Variants in TMEFF2 observed in about 807,000 individuals in gnomAD.
TMEFF2 encodes the protein tomoregulin-2.
TMEFF2 carries 28 observed loss-of-function variants against 53.8 expected under a neutral mutation model. The ratio of observed to expected loss-of-function variants is 0.52; its 90% CI spans 0.39 to 0.71. The LOEUF (loss-of-function observed/expected upper bound fraction) is 0.71. Among genes scored for constraint, TMEFF2 ranks in the 30% least tolerant of loss-of-function variants. The pLI, the probability that TMEFF2 is intolerant of heterozygous loss-of-function variation, is 0.00. For synonymous variants in TMEFF2, 162 were observed against 166.3 expected, an observed-to-expected ratio of 0.97 and a Z score of 0.20; for missense variants, 353 against 455.2, an observed-to-expected ratio of 0.78 and a Z score of 2.04.
intron 4 of TMEFF2, among the ~76,000 whole-genome samples, chr2:192,145,274 T>G (rs1385904598): frequency 2.0e-5 from 3 of 151,986 alleles, no homozygotes; most frequent in Non-Finnish European, 4.4e-5. Flanking sequence ...AAAATTCTGA[T>G]TATGTATTCT....
At chr2:192,001,729 G>A (rs1686365909) in intron 5 of TMEFF2, among the ~76,000 whole-genome samples, 1 of 148,582 alleles carries the variant, frequency 6.7e-6, no homozygotes. Context: ...CCCTGCACAA[G>A]CTCTCTTCTC....
At position 192,074,983 on chromosome 2, in the gene TMEFF2, A is replaced by C. The variant is rs973940259; in HGVS notation, c.440-17208T>G. Among the ~76,000 whole-genome samples, 7 of 151,120 alleles carry C rather than the reference A, an allele frequency of 4.6e-5. No homozygotes were observed. In the South Asian group the frequency reaches 1.5e-3, roughly 31 times the overall value. On this transcript the variant is annotated intron_variant, in intron 4 of 9. Transcript: ENST00000272771. ...ATATATTTCTCTTGATAAATAAACAAACACAACAGAAAACTTTAATTAATA... is the reference window on the plus strand; with the variant it reads ...ATATATTTCTCTTGATAAATAAACACACACAACAGAAAACTTTAATTAATA...
chr2:192,010,522 CT>C (rs76444188), intron 5 of TMEFF2, among the ~76,000 whole-genome samples: 7 of 151,712 alleles, frequency 4.6e-5, no homozygotes, highest in Admixed American at 1.3e-4. Flanking sequence ...ATTACTGCCA[CT>C]TTTTTTTCCC....
chr2:191,960,683 T>C lies in TMEFF2; in HGVS notation c.746-4305A>G, dbSNP rs74372533. Among the ~76,000 whole-genome samples, 870 of 152,142 alleles carry C rather than the reference T, an allele frequency of 5.7e-3. 15 individuals are homozygous for C. The highest frequency in any genetic ancestry group is 0.02 in the African/African-American group (818 of 41,486). ...TAGGCCATTGATTCATACAGAAGAG[T>C]CTGATTCTGTGTAAGCGTTTCTGAG... On this transcript the variant is annotated intron_variant, in intron 7 of 9. Transcript: ENST00000272771.
At chr2:192,174,018 T>C (rs916057642) in intron 4 of TMEFF2, among the ~76,000 whole-genome samples, 3 of 151,916 alleles carry the variant, frequency 2.0e-5, no homozygotes, top group African/African-American at 7.2e-5. Flanking sequence ...TAGATACATA[T>C]TACTGTTTCA....
chr2:192,138,503 G>T (rs1038653129), intron 4 of TMEFF2, among the ~76,000 whole-genome samples: 2 of 152,198 alleles, frequency 1.3e-5, no homozygotes, highest in Non-Finnish European at 2.9e-5. Flanking sequence ...CCGGTCTGAG[G>T]CCCTGAATTC....
intron 4 of TMEFF2, among the ~76,000 whole-genome samples, chr2:192,108,363 C>A (rs769083847): frequency 6.6e-5 from 10 of 151,758 alleles, no homozygotes; most frequent in Admixed American, 3.9e-4. Context: ...AAAGACAGGG[C>A]ATTATTTAAA....
At chr2:192,011,485 A>T (rs1488471789) in intron 5 of TMEFF2, among the ~76,000 whole-genome samples, 1 of 152,250 alleles carries the variant, frequency 6.6e-6, no homozygotes, top group African/African-American at 2.4e-5. Context: ...TATTATTCTT[A>T]AGCCTGAGTG....
chr2:192,188,271 C>T (rs542764994), intron 2 of TMEFF2, among the ~76,000 whole-genome samples: 21 of 152,294 alleles, frequency 1.4e-4, no homozygotes, highest in African/African-American at 3.8e-4. Context: ...AGGTCATTAA[C>T]GGATATAGCT....
At chr2:192,020,509 G>C (rs1686836120) in intron 5 of TMEFF2, among the ~76,000 whole-genome samples, 1 of 151,970 alleles carries the variant, frequency 6.6e-6, no homozygotes, top group African/African-American at 2.4e-5. Flanking sequence ...TTGCAATCCA[G>C]ATATTTTCAA....
At chr2:192,054,331 T>C (rs951393599) in intron 5 of TMEFF2, among the ~76,000 whole-genome samples, 5 of 152,146 alleles carry the variant, frequency 3.3e-5, no homozygotes, top group Non-Finnish European at 5.9e-5. Context: ...GCAATATCTA[T>C]CCAGGCTTTC....
chr2:192,135,605 C>T (rs569804729), intron 4 of TMEFF2, among the ~76,000 whole-genome samples: 146 of 151,900 alleles, frequency 9.6e-4, no homozygotes, highest in African/African-American at 3.2e-3. Flanking sequence ...CTCCATACCA[C>T]CCCCCAAAAA....
intron 4 of TMEFF2, among the ~76,000 whole-genome samples, chr2:192,170,176 G>A (rs1257433527): frequency 2.0e-5 from 3 of 152,014 alleles, no homozygotes; most frequent in South Asian, 4.1e-4. Flanking sequence ...ACTATATCAC[G>A]AGGCTCAAAG....
At chr2:192,085,842 G>A (rs1044985116) in intron 4 of TMEFF2, among the ~76,000 whole-genome samples, 1 of 152,078 alleles carries the variant, frequency 6.6e-6, no homozygotes, top group Non-Finnish European at 1.5e-5. Flanking sequence ...CATCTCACAG[G>A]AGCATTGACT....
chr2:192,127,659 T>G (rs1270904060), intron 4 of TMEFF2, among the ~76,000 whole-genome samples: 1 of 124,998 alleles, frequency 8.0e-6, no homozygotes, highest in Admixed American at 8.8e-5. Flanking sequence ...AGTCAAAAAT[T>G]GAGCAACAGT....
chr2:191,966,055 CAT>C (rs1337975833), intron 7 of TMEFF2, among the ~76,000 whole-genome samples: 1 of 151,044 alleles, frequency 6.6e-6, no homozygotes, highest in African/African-American at 2.4e-5. Flanking sequence ...ATGATGAATA[CAT>C]AGTTTTTAAA....
chr2:192,005,936 GA>G (rs369461977), intron 5 of TMEFF2, among the ~76,000 whole-genome samples: 2 of 152,030 alleles, frequency 1.3e-5, no homozygotes, highest in Non-Finnish European at 2.9e-5. Context: ...AGTTGTGAGA[GA>G]AAATGAGGTA....
At chr2:192,126,517 C>G (rs1364255042) in intron 4 of TMEFF2, among the ~76,000 whole-genome samples, 1 of 152,134 alleles carries the variant, frequency 6.6e-6, no homozygotes, top group African/African-American at 2.4e-5. Context: ...ACAATTAAAA[C>G]TGTCAGTCCC....
chr2:192,146,337 C>A (rs1399375627), intron 4 of TMEFF2, among the ~76,000 whole-genome samples: 3 of 151,852 alleles, frequency 2.0e-5, no homozygotes. Flanking sequence ...AAATATTGGG[C>A]TAGATTAAAA....
Sources: allele counts gnomAD v4.1 joint callset (sites outside exome capture counted in the v4.1 genomes callset), GRCh38; gene constraint gnomAD v4.1.1; transcripts MANE v1.5; gene names NCBI Gene and HGNC (gene_info 2026-07-23, HGNC 2026-07-21).